COPG2: variants seen among roughly 807,000 people sequenced by gnomAD.
COPG2 encodes coatomer subunit gamma-2.
COPG2 carries 37 observed loss-of-function variants against 46.3 expected under a neutral mutation model. The ratio of observed to expected loss-of-function variants is 0.80; its 90% CI spans 0.61 to 1.05. COPG2 has a LOEUF of 1.05. Among genes scored for constraint, COPG2 ranks in the 50% least tolerant of loss-of-function variants. The pLI, the probability that COPG2 is intolerant of heterozygous loss-of-function variation, is 0.00. For missense variants in COPG2, 427 were observed against 387.8 expected, an observed-to-expected ratio of 1.10 and a Z score of -0.85; for synonymous variants, 159 against 129.7, an observed-to-expected ratio of 1.23 and a Z score of -1.53.
chr7:130,653,117 C>T (rs1795780767), intron 4 of COPG2, among the ~76,000 whole-genome samples, 169 bp from the exon 5 acceptor site: 1 of 151,912 alleles, frequency 6.6e-6, no homozygotes, highest in Non-Finnish European at 1.5e-5. Flanking sequence ...ATTCAGAATA[C>T]TAATATTTCC....
At position 130,509,039 on chromosome 7, in the gene COPG2, A is replaced by C. The variant is rs782308381; in HGVS notation, c.2150-380T>G. 84 of 477,492 alleles carry C rather than the reference A, an allele frequency of 1.8e-4. 1 individual carries two copies. Among genetic ancestry groups the C allele is most frequent in the Middle Eastern group, 3.3e-4 (1 of 3,054 alleles). The allele number at this position is 477,492 out of a possible 1,614,324, so 29.6% of individuals were successfully genotyped here. A position where few individuals can be genotyped will look rare whatever the true frequency, so the allele number is the denominator to read the frequency against. ...CTGTAGGACCTGACCAAAAAAAAAA[A>C]CAAAAAAAAAACCTGTGGTAAAAAG... is the stretch of plus-strand genomic sequence containing the variant. On this transcript the variant is annotated intron_variant, in intron 20 of 23. Transcript: ENST00000425248.
chr7:130,663,786 T>C (rs10248790), intron 3 of COPG2, among the ~76,000 whole-genome samples: 20,638 of 142,340 alleles, frequency 0.14, 2,737 homozygotes, highest in African/African-American at 0.36. Flanking sequence ...TTGCTCAGGT[T>C]GGAGTGCAAT....
intron 9 of COPG2, among the ~76,000 whole-genome samples, chr7:130,583,404 A>C (rs1450267932): frequency 1.4e-5 from 2 of 145,868 alleles, no homozygotes; most frequent in Non-Finnish European, 3.0e-5. Flanking sequence ...CTAGATGACG[A>C]GTTAGTGGGT....
chr7:130,613,191 A>G (rs1310938496), intron 7 of COPG2, among the ~76,000 whole-genome samples: 1 of 152,080 alleles, frequency 6.6e-6, no homozygotes, highest in East Asian at 1.9e-4. Flanking sequence ...AGATTCTCAT[A>G]TGAGGCCGGC....
chr7:130,557,691 T>C (rs1463438392), intron 12 of COPG2, among the ~76,000 whole-genome samples: 1 of 151,592 alleles, frequency 6.6e-6, no homozygotes, highest in Non-Finnish European at 1.5e-5. Flanking sequence ...GGCGGGTGCC[T>C]GTAATCCCAG....
At chr7:130,583,493 TAAAAAAAAAAA>T (rs782593413) in intron 9 of COPG2, among the ~76,000 whole-genome samples, 4 of 34,368 alleles carry the variant, frequency 1.2e-4, no homozygotes, top group East Asian at 2.0e-3. Flanking sequence ...ACATAAAGTA[TAAAAAAAAAAA>T]AAAAAAAAAA....
intron 5 of COPG2, among the ~76,000 whole-genome samples, chr7:130,649,218 G>C (rs1482900034): frequency 6.6e-6 from 1 of 152,142 alleles, no homozygotes; most frequent in African/African-American, 2.4e-5. Flanking sequence ...TGAGGTTTCA[G>C]CAAAAGGTTG....
chr7:130,564,635 G>A (rs2116406766), intron 9 of COPG2: 1 of 322,998 alleles, frequency 3.1e-6, no homozygotes, highest in African/African-American at 2.1e-5. Flanking sequence ...AAGAAAAGTA[G>A]CTGAATCTTA....
intron 5 of COPG2, among the ~76,000 whole-genome samples, chr7:130,651,898 C>T (rs897345258): frequency 9.9e-5 from 15 of 152,206 alleles, no homozygotes; most frequent in South Asian, 8.3e-4. Context: ...GATCCACCTG[C>T]GTCGGCCTCC....
chr7:130,592,544 A>T (rs371232921), intron 9 of COPG2, among the ~76,000 whole-genome samples: 105 of 152,336 alleles, frequency 6.9e-4, no homozygotes, highest in African/African-American at 2.4e-3. Flanking sequence ...TGGTAAAATT[A>T]AAAACAAATC....
intron 9 of COPG2, among the ~76,000 whole-genome samples, chr7:130,577,499 C>T (rs1206400089): frequency 6.6e-5 from 10 of 152,138 alleles, no homozygotes; most frequent in Non-Finnish European, 1.0e-4. Context: ...CGGTGGCTCA[C>T]GCCTGTAATC....
chr7:130,631,131 A>G (rs982905540), intron 5 of COPG2, among the ~76,000 whole-genome samples: 1 of 143,734 alleles, frequency 7.0e-6, no homozygotes, highest in South Asian at 2.3e-4. Flanking sequence ...TTTCTTTTCC[A>G]TTCATCTCAT....
intron 2 of COPG2, among the ~76,000 whole-genome samples, chr7:130,667,180 T>C (rs1422233690): frequency 6.6e-6 from 1 of 152,210 alleles, no homozygotes; most frequent in Non-Finnish European, 1.5e-5. Context: ...ACAATACTTA[T>C]CTATATCATA....
intron 9 of COPG2, among the ~76,000 whole-genome samples, chr7:130,595,812 C>G (rs961321170): frequency 6.6e-6 from 1 of 151,654 alleles, no homozygotes; most frequent in African/African-American, 2.4e-5. Flanking sequence ...GACCCCCCCC[C>G]TCCAGCCTAC....
intron 9 of COPG2, among the ~76,000 whole-genome samples, chr7:130,573,213 CAA>C (rs374780719): frequency 4.1e-5 from 6 of 145,418 alleles, no homozygotes; most frequent in East Asian, 3.9e-4. Context: ...AATCACACCT[CAA>C]AAAAAAAAAA....
rs909623289 is a variant in COPG2, at chr7:130,613,573, C to T, written c.463G>A (p.Val155Ile). 6 of 1,599,574 alleles carry T rather than the reference C, an allele frequency of 3.8e-6. No individual in the cohort carries two copies. In the African/African-American group the frequency reaches 8.0e-5, roughly 21 times the overall value. ...GAAGATACCAGTGCTGAACTGGATA[C>T]ACTGGAAACTTTATCCACAATGGCC... is the stretch of plus-strand genomic sequence containing the variant. ...KQAIVDKVSS[V>I]SSSALVSSLH... Residue 155 changes from valine (V) to isoleucine (I), a missense_variant, in exon 7 of 24, where the codon GTA becomes ATA. By Grantham distance (29) the Val-to-Ile change is conservative. Transcript: ENST00000425248.
chr7:130,522,763 A>G (rs1452166831), intron 20 of COPG2, among the ~76,000 whole-genome samples: 1 of 152,134 alleles, frequency 6.6e-6, no homozygotes. Context: ...TAAAAAGCAC[A>G]TGAAAGAAGT....
At chr7:130,630,360 G>A (rs1319675134) in intron 5 of COPG2, among the ~76,000 whole-genome samples, 1 of 152,100 alleles carries the variant, frequency 6.6e-6, no homozygotes, top group African/African-American at 2.4e-5. Flanking sequence ...ACTGCTCTTG[G>A]CAAGTATATA....
chr7:130,516,783 C>G (rs1307267617), intron 20 of COPG2, among the ~76,000 whole-genome samples: 1 of 151,986 alleles, frequency 6.6e-6, no homozygotes, highest in East Asian at 1.9e-4. Context: ...TTTTGCTGTC[C>G]AGGAAGCTTT....
Sources: gnomAD v4.1 joint callset for allele counts (sites outside exome capture counted in the v4.1 genomes callset) on GRCh38, gnomAD v4.1.1 for gene constraint, MANE v1.5 for transcripts, NCBI Gene and HGNC (gene_info 2026-07-23, HGNC 2026-07-21) for gene names.